Variants in RSBN1L observed in about 807,000 individuals in gnomAD.
The protein encoded by RSBN1L is lysine-specific demethylase RSBN1L.
In RSBN1L, 30 loss-of-function variants were observed where a neutral mutation model predicts 67.7. The observed-to-expected ratio is 0.44, with a 90% confidence interval of 0.33 to 0.60. The LOEUF (loss-of-function observed/expected upper bound fraction) is 0.60. RSBN1L is among the 20% of genes least tolerant of loss of function. The pLI is 0.02. For synonymous variants in RSBN1L, 433 were observed against 387.0 expected, an observed-to-expected ratio of 1.12 and a Z score of -1.39; for missense variants, 992 against 1,031.7, an observed-to-expected ratio of 0.96 and a Z score of 0.53.
intron 2 of RSBN1L, among the ~76,000 whole-genome samples, chr7:77,742,729 C>G (rs1225774743): frequency 6.6e-6 from 1 of 152,124 alleles, no homozygotes; most frequent in South Asian, 2.1e-4. Context: ...TCCAGCTACT[C>G]AGTTGGCCGA....
Position 77,696,531 on chromosome 7 carries a change from C to A in RSBN1L, c.62C>A (p.Ser21Ter). ...VAAAAPTATV[S>*]EKEPFGKLQL... ...GCCGCGGCCCCCACCGCCACCGTCT[C>A]GGAGAAAGAACCGTTTGGCAAGCTG... The change falls in exon 1 of 8, where the codon TCG (serine) becomes TAG (stop). Residue 21 changes from serine to a stop codon, truncating the protein, a stop_gained. Coordinates refer to ENST00000334955, the MANE Select transcript of RSBN1L (RefSeq NM_198467.3). LOFTEE classifies it high-confidence loss of function. 6.2e-7 allele frequency: 1 copy of A among 1,613,954 alleles called. No homozygotes were observed. The highest frequency in any genetic ancestry group is 8.5e-7 in the Non-Finnish European group (1 of 1,179,966).
Position 77,782,025 on chromosome 7 carries a change from T to G in RSBN1L, c.*2857T>G, listed in dbSNP as rs1450517870. 1.3e-5 allele frequency: 2 copies of G among 149,244 alleles called. No homozygotes were observed. Among genetic ancestry groups the G allele is most frequent in the Non-Finnish European group, 3.0e-5 (2 of 67,364 alleles). The allele number at this position is 149,244 out of a possible 1,614,324, so 9.2% of individuals were successfully genotyped here. A position where few individuals can be genotyped will look rare whatever the true frequency, so the allele number is the denominator to read the frequency against. ...TCTCTGAAGGTAAAGTATAAATCAG[T>G]GGGCTCAAGATTTGCAGGTACAGCC... On this transcript the variant is annotated 3_prime_UTR_variant, in exon 8 of 8. Transcript: ENST00000334955.
At chr7:77,740,075 A>G (rs1267392872) in intron 2 of RSBN1L, among the ~76,000 whole-genome samples, 1 of 152,020 alleles carries the variant, frequency 6.6e-6, no homozygotes. Context: ...CTGACTGGAA[A>G]TACACACAAA....
intron 3 of RSBN1L, among the ~76,000 whole-genome samples, chr7:77,758,237 C>G (rs1791647803): frequency 6.6e-6 from 1 of 152,148 alleles, no homozygotes; most frequent in African/African-American, 2.4e-5. Context: ...CGGCTCACTG[C>G]AACTTCCCAG....
chr7:77,734,429 TAGA>T (rs1584287531), intron 1 of RSBN1L, among the ~76,000 whole-genome samples: 3 of 152,306 alleles, frequency 2.0e-5, no homozygotes, highest in Admixed American at 1.3e-4. Flanking sequence ...TTCATTTTGT[TAGA>T]AGTTTAGTTA....
chr7:77,728,860 C>T (rs1222821503), intron 1 of RSBN1L, among the ~76,000 whole-genome samples: 1 of 152,108 alleles, frequency 6.6e-6, no homozygotes, highest in Non-Finnish European at 1.5e-5. Context: ...TTTTAAATTT[C>T]CCTGTGACCC....
At chr7:77,743,608 TCTC>T (rs753545188) in intron 2 of RSBN1L, among the ~76,000 whole-genome samples, 7 of 152,242 alleles carry the variant, frequency 4.6e-5, no homozygotes, top group Non-Finnish European at 7.4e-5. Context: ...ACTAATGTGT[TCTC>T]CTGGTAATAT....
In RSBN1L at chr7:77,721,399, G is replaced by A. The variant is rs370086031; in HGVS notation, c.587-15011G>A. ...TAGGTTCTACAGAAGGTAGCAAAGA[G>A]CAAGATATGATAATTGCAAAGGAGC... On this transcript the variant is annotated intron_variant, in intron 1 of 7. Coordinates refer to ENST00000334955, the MANE Select transcript of RSBN1L (RefSeq NM_198467.3). 6.6e-5 allele frequency among the ~76,000 whole-genome samples: 10 copies of A among 152,216 alleles called. No homozygotes were observed. The East Asian group carries it at 7.7e-4, about 12-fold the overall frequency.
intron 1 of RSBN1L, among the ~76,000 whole-genome samples, chr7:77,716,169 C>A (rs1791045227): frequency 6.6e-6 from 1 of 152,152 alleles, no homozygotes; most frequent in African/African-American, 2.4e-5. Flanking sequence ...CTTTTCCTAA[C>A]CCTAGATCAC....
At chr7:77,763,245 C>T (rs1358214745) in intron 3 of RSBN1L, among the ~76,000 whole-genome samples, 1 of 149,064 alleles carries the variant, frequency 6.7e-6, no homozygotes, top group Non-Finnish European at 1.5e-5. Flanking sequence ...TTCTGGGTAG[C>T]TGGGATTACA....
At chr7:77,761,086 AT>A (rs1318695426) in intron 3 of RSBN1L, among the ~76,000 whole-genome samples, 2 of 152,288 alleles carry the variant, frequency 1.3e-5, no homozygotes, top group Admixed American at 6.5e-5. Flanking sequence ...CAGATAGGCT[AT>A]TTTTTTAGTT....
chr7:77,775,525 G>T (rs983189023), intron 6 of RSBN1L, among the ~76,000 whole-genome samples: 1 of 152,166 alleles, frequency 6.6e-6, no homozygotes. Context: ...TTTCATTTCA[G>T]TTCAGGATAT....
In RSBN1L at chr7:77,779,751, G is replaced by T. The variant is rs535936378; in HGVS notation, c.*583G>T. On this transcript the variant is annotated 3_prime_UTR_variant, in exon 8 of 8. Transcript: ENST00000334955. ...TCTGCTGGTATATCTATTTAGTGTG[G>T]TATTGTAGTGCAAATGTACGTAATT... 3.3e-5 allele frequency: 5 copies of T among 150,166 alleles called. No individual in the cohort carries two copies. In the East Asian group the frequency reaches 7.8e-4, roughly 23 times the overall value. 9.3% of individuals were successfully genotyped at this position (150,166 alleles called of 1,614,324 possible). A position where few individuals can be genotyped will look rare whatever the true frequency, so the allele number is the denominator to read the frequency against.
chr7:77,717,523 A>G (rs1791064265), intron 1 of RSBN1L, among the ~76,000 whole-genome samples: 1 of 152,226 alleles, frequency 6.6e-6, no homozygotes, highest in Non-Finnish European at 1.5e-5. Flanking sequence ...TGTCTTTGAA[A>G]TCTGAGATTA....
chr7:77,775,542 T>G (rs1287758188), intron 6 of RSBN1L, among the ~76,000 whole-genome samples: 1 of 152,218 alleles, frequency 6.6e-6, no homozygotes, highest in Admixed American at 6.5e-5. Flanking sequence ...ATATCTCTAA[T>G]TCCTGTTTGA....
chr7:77,716,706 A>C (rs1319753411), intron 1 of RSBN1L, among the ~76,000 whole-genome samples: 1 of 131,528 alleles, frequency 7.6e-6, no homozygotes, highest in Non-Finnish European at 1.5e-5. Flanking sequence ...GTCTTGGCTC[A>C]CTGCAGTCTC....
At chr7:77,740,068 A>G (rs1409228326) in intron 2 of RSBN1L, among the ~76,000 whole-genome samples, 2 of 151,846 alleles carry the variant, frequency 1.3e-5, no homozygotes, top group Non-Finnish European at 2.9e-5. Flanking sequence ...GTTTTTTCTG[A>G]CTGGAAATAC....
At chr7:77,755,757 G>A (rs760513454) in intron 3 of RSBN1L, among the ~76,000 whole-genome samples, 7 of 152,150 alleles carry the variant, frequency 4.6e-5, no homozygotes, top group Non-Finnish European at 1.0e-4. Context: ...AAGTCCTGAT[G>A]CCGCTTGACC....
chr7:77,771,971 A>G (rs1031750258), intron 5 of RSBN1L, among the ~76,000 whole-genome samples: 4 of 152,176 alleles, frequency 2.6e-5, no homozygotes, highest in South Asian at 4.1e-4. Context: ...ACTTCAGGGT[A>G]TACAACCCAT....
Sources: gnomAD v4.1 joint callset for allele counts (sites outside exome capture counted in the v4.1 genomes callset) on GRCh38, gnomAD v4.1.1 for gene constraint, MANE v1.5 for transcripts, NCBI Gene and HGNC (gene_info 2026-07-23, HGNC 2026-07-21) for gene names.